Variants in TFDP1 observed in about 807,000 individuals in gnomAD.
TFDP1 encodes the protein transcription factor Dp-1.
TFDP1 carries 6 observed loss-of-function variants against 48.0 expected under a neutral mutation model. That is an observed-to-expected ratio of 0.13 (90% CI 0.07 to 0.25). The LOEUF (loss-of-function observed/expected upper bound fraction) is 0.25. TFDP1 is among the 10% of genes least tolerant of loss of function. TFDP1 has a pLI of 1.00. For missense variants in TFDP1, 335 were observed against 543.0 expected (o/e 0.62, Z 3.81); for synonymous variants, 201 against 211.6 (o/e 0.95, Z 0.44).
chr13:113,634,072 A>C, intron 7 of TFDP1, 39 bp downstream of exon 7: 1 of 1,613,860 alleles, frequency 6.2e-7, no homozygotes, highest in Non-Finnish European at 8.5e-7. Context: ...ATTTCCCTTC[A>C]AGTCCGTGTA....
At chr13:113,586,934 G>C (rs1459198739) in intron 2 of TFDP1, among the ~76,000 whole-genome samples, 1 of 152,190 alleles carries the variant, frequency 6.6e-6, no homozygotes, top group African/African-American at 2.4e-5. Context: ...GACCTCGTGC[G>C]GGCATGCACT....
At chr13:113,599,380 C>T (rs778367931) in intron 2 of TFDP1, among the ~76,000 whole-genome samples, 6 of 152,216 alleles carry the variant, frequency 3.9e-5, no homozygotes, top group Non-Finnish European at 7.3e-5. Flanking sequence ...CTTATTGTCA[C>T]ATAGGCAGCA....
chr13:113,638,519 C>T (rs1187216730), intron 11 of TFDP1, among the ~76,000 whole-genome samples: 4 of 150,428 alleles, frequency 2.7e-5, no homozygotes, highest in Non-Finnish European at 5.9e-5. Flanking sequence ...TTATGGTACA[C>T]GTATTTTTCA....
rs4150788 is a variant in TFDP1, at chr13:113,633,979, G to A, written c.564G>A (p.Glu188=). 3.0e-4 allele frequency: 492 copies of A among 1,614,216 alleles called. 1 individual carries two copies. In the African/African-American group the frequency reaches 5.8e-3, roughly 19 times the overall value. The part of the protein sequence containing the change: ...AMNIISKEKK[E]IKWIGLPTNS... ...ACATCATCTCCAAGGAGAAGAAGGA[G>A]ATCAAGTGGATTGGTCTGCCCACCA... Residue 188 remains glutamate (E), a synonymous_variant, in exon 7 of 12, where the codon GAG becomes GAA. Transcript: ENST00000375370. The surrounding 1 kb of genome is among the most constrained non-coding windows in gnomAD (Gnocchi z 4.5).
In TFDP1 at chr13:113,637,808, C is replaced by T; in HGVS notation, c.1007-10C>T. ...TCATGACCATTCGCTTATTTTCTTTCCCTTTTCAGAAATGGCTCAGGGAAC... is the reference window on the plus strand; with the variant it reads ...TCATGACCATTCGCTTATTTTCTTTTCCTTTTCAGAAATGGCTCAGGGAAC... On this transcript the variant is annotated splice_polypyrimidine_tract_variant and intron_variant, in intron 10 of 11. Transcript: ENST00000375370. 1 of 1,614,234 alleles carries T rather than the reference C, an allele frequency of 6.2e-7. No individual in the cohort carries two copies. Among genetic ancestry groups the T allele is most frequent in the Non-Finnish European group, 8.5e-7 (1 of 1,180,048 alleles).
At chr13:113,588,958 T>G (rs1396767555) in intron 2 of TFDP1, among the ~76,000 whole-genome samples, 1 of 147,320 alleles carries the variant, frequency 6.8e-6, no homozygotes, top group Non-Finnish European at 1.5e-5. Flanking sequence ...GAGTGAGTGA[T>G]GGTAGTGTTG....
intron 2 of TFDP1, among the ~76,000 whole-genome samples, chr13:113,601,785 G>A (rs951682873): frequency 2.6e-5 from 4 of 152,224 alleles, no homozygotes; most frequent in East Asian, 3.9e-4. Context: ...AGAGTTCTCC[G>A]CAGGAGTTGA....
chr13:113,599,478 G>A (rs2048358825), intron 2 of TFDP1, among the ~76,000 whole-genome samples: 1 of 152,238 alleles, frequency 6.6e-6, no homozygotes, highest in Non-Finnish European at 1.5e-5. Flanking sequence ...TGGTCTCGCT[G>A]ATGCGCCCTC....
chr13:113,631,177 A>T (rs2049325899), intron 4 of TFDP1, among the ~76,000 whole-genome samples: 1 of 152,230 alleles, frequency 6.6e-6, no homozygotes, highest in Non-Finnish European at 1.5e-5. Context: ...ACAGAAGGAT[A>T]CAATTTCATC....
At chr13:113,585,539 G>T in intron 1 of TFDP1, 1 of 288,396 alleles carries the variant, frequency 3.5e-6, no homozygotes, top group Non-Finnish European at 6.6e-6. Context: ...CCTGGGGGTA[G>T]TGGTGGTGAC....
chr13:113,591,992 G>A (rs4150694), intron 2 of TFDP1, among the ~76,000 whole-genome samples: 1,940 of 152,280 alleles, frequency 0.013, 42 homozygotes, highest in African/African-American at 0.045. Flanking sequence ...TGAGATTCCC[G>A]CAGCATCCCG....
Position 113,610,947 on chromosome 13 carries a change from G to A in TFDP1, c.13-49G>A, listed in dbSNP as rs748901611. The A allele has an allele frequency of 3.6e-5, 57 of 1,577,806 alleles. 1 individual carries two copies. Among genetic ancestry groups the A allele is most frequent in the South Asian group, 2.3e-4 (21 of 90,178 alleles). ...GGTGGTTTTAAACACCCCTAGTTTC[G>A]TAGCCCTTTTAGCTGTCATATTTAT... is the stretch of plus-strand genomic sequence containing the variant. On this transcript the variant is annotated intron_variant, in intron 2 of 11. Coordinates refer to ENST00000375370, the MANE Select transcript of TFDP1 (RefSeq NM_007111.5).
chr13:113,606,004 C>T (rs1215480897), intron 2 of TFDP1, among the ~76,000 whole-genome samples: 1 of 136,948 alleles, frequency 7.3e-6, no homozygotes, highest in Admixed American at 7.4e-5. Flanking sequence ...TGAGTGTCCG[C>T]AGGGGATCCT....
intron 2 of TFDP1, among the ~76,000 whole-genome samples, chr13:113,609,856 TGC>T (rs2048663909): frequency 6.6e-6 from 1 of 152,200 alleles, no homozygotes; most frequent in African/African-American, 2.4e-5. Flanking sequence ...TACTCAAGCA[TGC>T]TGCCGTGTGT....
rs767366406 is a variant in TFDP1, at chr13:113,636,000, G to A, written c.711G>A (p.Val237=). The change falls in exon 9 of 12, where the codon GTG becomes GTA. Residue 237 remains valine, a synonymous_variant. Transcript: ENST00000375370. ...ILQQIAFKNL[V]QRNRHAEQQA... is the part of the protein sequence containing the mutation. ...AGCAAATTGCCTTCAAGAACCTGGT[G>A]CAGAGAAACCGGCATGCGGAGCAGC... The A allele has an allele frequency of 1.2e-6, 2 of 1,613,970 alleles. No individual in the cohort carries two copies. Among genetic ancestry groups the A allele is most frequent in the African/African-American group, 2.7e-5 (2 of 74,918 alleles).
At chr13:113,628,047 G>A (rs540238713) in intron 4 of TFDP1, among the ~76,000 whole-genome samples, 2 of 152,324 alleles carry the variant, frequency 1.3e-5, no homozygotes, top group South Asian at 4.1e-4. Flanking sequence ...TGGCGTGGAA[G>A]CTGCAAAAGC....
At chr13:113,624,302 C>G (rs1210865729) in intron 4 of TFDP1, among the ~76,000 whole-genome samples, 1 of 152,112 alleles carries the variant, frequency 6.6e-6, no homozygotes, top group African/African-American at 2.4e-5. Flanking sequence ...CACCAGGTGT[C>G]TCTCAGGCAT....
chr13:113,636,829 A>T (rs1022042221), intron 10 of TFDP1, 129 bp downstream of exon 10: 151 of 1,150,874 alleles, frequency 1.3e-4, no homozygotes, highest in Non-Finnish European at 1.7e-4. Context: ...GCCAGGAGCA[A>T]AGACAAAGGG....
chr13:113,634,448 C>CTGTGAGGA, intron 7 of TFDP1, 86 bp from the exon 8 acceptor site: 1 of 1,082,980 alleles, frequency 9.2e-7, no homozygotes, highest in Admixed American at 1.9e-5. Flanking sequence ...ATAGGTAACA[C>CTGTGAGGA]TGTGAGGATG....
Sources: allele counts gnomAD v4.1 joint callset (sites outside exome capture counted in the v4.1 genomes callset), GRCh38; gene constraint gnomAD v4.1.1; non-coding constraint Gnocchi (gnomAD v3.1); transcripts MANE v1.5; gene names NCBI Gene and HGNC (gene_info 2026-07-23, HGNC 2026-07-21).